The following ATP13A4 variants were observed in gnomAD, a reference collection of about 807,000 sequenced individuals.
The protein encoded by ATP13A4 is probable cation-transporting ATPase 13A4.
Under a neutral mutation model 142.5 loss-of-function variants are expected in ATP13A4, and 114 were observed. The ratio of observed to expected loss-of-function variants is 0.80; its 90% CI spans 0.69 to 0.93. The LOEUF is 0.93. Among genes scored for constraint, ATP13A4 ranks in the 40% least tolerant of loss-of-function variants. The pLI is 0.00. For synonymous variants in ATP13A4, 488 were observed against 514.8 expected (o/e 0.95, Z 0.70); for missense variants, 1,392 against 1,454.0 (o/e 0.96, Z 0.69).
intron 7 of ATP13A4, among the ~76,000 whole-genome samples, chr3:193,487,887 T>A (rs1719720780): frequency 6.6e-6 from 1 of 152,130 alleles, no homozygotes; most frequent in Admixed American, 6.5e-5. Flanking sequence ...CATATCAACA[T>A]TGGACTGGTT....
At chr3:193,477,785 G>T (rs1719055032) in intron 8 of ATP13A4, among the ~76,000 whole-genome samples, 1 of 152,030 alleles carries the variant, frequency 6.6e-6, no homozygotes, top group South Asian at 2.1e-4. Context: ...AGAGCAGAGT[G>T]CTGGGGAGGT....
intron 1 of ATP13A4, among the ~76,000 whole-genome samples, chr3:193,584,424 A>G (rs2108748296): frequency 6.6e-6 from 1 of 152,322 alleles, no homozygotes; most frequent in African/African-American, 2.4e-5. Flanking sequence ...TCAGAACTAT[A>G]AGATAATAAA....
In ATP13A4 at chr3:193,412,281, A is replaced by T; in HGVS notation, c.3105T>A (p.Ser1035Arg). 1 of 1,613,676 alleles carries T rather than the reference A, an allele frequency of 6.2e-7. No individual in the cohort carries two copies. Among genetic ancestry groups the T allele is most frequent in the Non-Finnish European group, 8.5e-7 (1 of 1,179,594 alleles). ...AGAACCAGACTGTAGTGTTCTCAAAACTTGTGAAGGTGCTATTACTTTCCA... is the reference window on the plus strand; with the variant it reads ...AGAACCAGACTGTAGTGTTCTCAAATCTTGTGAAGGTGCTATTACTTTCCA... ...EKMESNSTFT[S>R]FENTTVWFLG... is the part of the protein sequence containing the mutation. Residue 1035 changes from serine (S) to arginine (R), a missense_variant, in exon 27 of 30, where the codon AGT becomes AGA. Ser to Arg is a moderately radical substitution (Grantham distance 110). Transcript: ENST00000342695.
chr3:193,477,804 A>T (rs1381028306), intron 8 of ATP13A4, among the ~76,000 whole-genome samples: 1 of 152,038 alleles, frequency 6.6e-6, no homozygotes, highest in Non-Finnish European at 1.5e-5. Context: ...GTAACTGTCC[A>T]GGGGAGAGCC....
rs538539580 is a variant in ATP13A4 at position 193,519,904 on chromosome 3, A to G, written c.61-5033T>C. Among the ~76,000 whole-genome samples, 95 of 152,012 alleles carry G rather than the reference A, an allele frequency of 6.2e-4. 3 individuals are homozygous for G. In the South Asian group the frequency reaches 0.02, roughly 31 times the overall value. On this transcript the variant is annotated intron_variant, in intron 1 of 29. Coordinates refer to ENST00000342695, the MANE Select transcript of ATP13A4 (RefSeq NM_032279.4). ...AGGTGATCCAGCCGCCTCAGGCTCCAAAAGTGCTGGGATTACAGGCGTGAA... is the reference window on the plus strand; with the variant it reads ...AGGTGATCCAGCCGCCTCAGGCTCCGAAAGTGCTGGGATTACAGGCGTGAA...
Position 193,493,127 on chromosome 3 carries a change from CAT to C in ATP13A4, c.413_414del (p.Tyr138CysfsTer20). 1.2e-6 allele frequency: 2 copies of C among 1,613,244 alleles called. No individual in the cohort carries two copies. Among genetic ancestry groups the C allele is most frequent in the Non-Finnish European group, 1.7e-6 (2 of 1,179,634 alleles). ...AACTGTCCTTCTAAGTAGTTCCAAA[CAT>C]ATCTTATTTTCTGCACTTTGATGCA... ...VRCIKVQKIR[Y>X]VWNYLEGQFQ... On this transcript the variant is annotated frameshift_variant, in exon 4 of 30. Coordinates refer to ENST00000342695, the MANE Select transcript of ATP13A4 (RefSeq NM_032279.4). LOFTEE classifies it high-confidence loss of function.
chr3:193,576,091 A>G (rs1049595845), intron 2 of ATP13A4, among the ~76,000 whole-genome samples: 7 of 152,046 alleles, frequency 4.6e-5, no homozygotes, highest in African/African-American at 1.7e-4. Context: ...TCCAGCCTAA[A>G]ATGTCAATAG....
In ATP13A4 at chr3:193,402,567, CAA is replaced by C; in HGVS notation, c.*83_*84del. 1 of 749,362 alleles carries C rather than the reference CAA, an allele frequency of 1.3e-6. No individual in the cohort carries two copies. The highest frequency in any genetic ancestry group is 2.5e-6 in the Non-Finnish European group (1 of 407,870). 46.4% of individuals were successfully genotyped at this position (749,362 alleles called of 1,614,324 possible). A position where few individuals can be genotyped will look rare whatever the true frequency, so the allele number is the denominator to read the frequency against. On this transcript the variant is annotated 3_prime_UTR_variant, in exon 30 of 30. Coordinates refer to ENST00000342695, the MANE Select transcript of ATP13A4 (RefSeq NM_032279.4). ...AGCCCCAAAACTCCAGCTGATGTTACAAGAGTCTCATTTCTTAAAATCAATGA... is the reference window on the plus strand; with the variant it reads ...AGCCCCAAAACTCCAGCTGATGTTACGAGTCTCATTTCTTAAAATCAATGA...
chr3:193,484,069 G>A, intron 7 of ATP13A4, 64 bp from the exon 8 acceptor site: 2 of 1,372,944 alleles, frequency 1.5e-6, no homozygotes, highest in Middle Eastern at 1.8e-4. Context: ...GTATTATTAA[G>A]GTGCTAGGCT....
chr3:193,550,772 A>G (rs1723512253), intron 1 of ATP13A4, among the ~76,000 whole-genome samples: 1 of 152,256 alleles, frequency 6.6e-6, no homozygotes, highest in Admixed American at 6.5e-5. Flanking sequence ...GTTAAGGCCT[A>G]GAGAAAAATA....
chr3:193,454,621 G>C (rs925940220), intron 16 of ATP13A4, among the ~76,000 whole-genome samples: 5 of 152,136 alleles, frequency 3.3e-5, no homozygotes, highest in East Asian at 3.8e-4. Flanking sequence ...ATGGGGAAAG[G>C]CTTTCCCATT....
intron 6 of ATP13A4, 146 bp from the exon 7 acceptor site, chr3:193,490,010 C>G: frequency 1.1e-6 from 1 of 886,056 alleles, no homozygotes; most frequent in Non-Finnish European, 1.7e-6. Context: ...TGACACGTGC[C>G]AGACACCGCT....
chr3:193,407,528 T>C (rs914277295), intron 28 of ATP13A4, 135 bp from the exon 29 acceptor site: 2 of 568,620 alleles, frequency 3.5e-6, no homozygotes, highest in South Asian at 4.2e-5. Context: ...TACATATATC[T>C]TATATATATA....
At chr3:193,466,002 A>AT in intron 11 of ATP13A4, 23 bp downstream of exon 11, 1 of 1,612,376 alleles carries the variant, frequency 6.2e-7, no homozygotes, top group Non-Finnish European at 8.5e-7. Context: ...TGTGCATTTA[A>AT]TAAAAGAGCA....
At position 193,423,120 on chromosome 3, in the gene ATP13A4, T is replaced by C. The variant is rs530869959; in HGVS notation, c.2843-8370A>G. Among the ~76,000 whole-genome samples, 15 of 149,828 alleles carry C rather than the reference T, an allele frequency of 1.0e-4. 2 individuals are homozygous for C. In the South Asian group the frequency reaches 2.9e-3, roughly 29 times the overall value. Reference sequence around the variant, plus strand: ...AACAAATTAGAAAATCTAGAATAAATGGATAAATTCCTGGACACATACAAC... The same window carrying C: ...AACAAATTAGAAAATCTAGAATAAACGGATAAATTCCTGGACACATACAAC... On this transcript the variant is annotated intron_variant, in intron 25 of 29. Coordinates refer to ENST00000342695, the MANE Select transcript of ATP13A4 (RefSeq NM_032279.4).
chr3:193,438,372 A>T, intron 23 of ATP13A4, 103 bp downstream of exon 23: 1 of 949,344 alleles, frequency 1.1e-6, no homozygotes, highest in African/African-American at 1.6e-5. Context: ...CACCCTCCGC[A>T]CCCAGGGACA....
chr3:193,454,045 A>T, intron 17 of ATP13A4, 56 bp downstream of exon 17: 1 of 1,461,552 alleles, frequency 6.8e-7, no homozygotes, highest in Non-Finnish European at 9.6e-7. Context: ...TGACATTCCA[A>T]CCTGGTACAT....
chr3:193,570,187 C>T (rs1234292291), intron 2 of ATP13A4, among the ~76,000 whole-genome samples: 1 of 152,116 alleles, frequency 6.6e-6, no homozygotes, highest in Admixed American at 6.6e-5. Context: ...GTGGCACACA[C>T]CTGTAATTCC....
intron 25 of ATP13A4, chr3:193,418,890 T>C (rs916789829): frequency 1.3e-4 from 20 of 150,742 alleles, no homozygotes; most frequent in African/African-American, 4.2e-4. Flanking sequence ...GCTGGACTAC[T>C]CCTGCCTGGT....
Sources: allele counts gnomAD v4.1 joint callset (sites outside exome capture counted in the v4.1 genomes callset), GRCh38; gene constraint gnomAD v4.1.1; transcripts MANE v1.5; gene names NCBI Gene and HGNC (gene_info 2026-07-23, HGNC 2026-07-21).